NME7: variants seen among roughly 807,000 people sequenced by gnomAD.
NME7 encodes nucleoside diphosphate kinase 7.
NME7 carries 41 observed loss-of-function variants against 49.1 expected under a neutral mutation model. The ratio of observed to expected loss-of-function variants is 0.83; its 90% CI spans 0.65 to 1.08. The LOEUF is 1.08. NME7 is among the 50% of genes least tolerant of loss of function. NME7 has a pLI of 0.00. For missense variants in NME7, 423 were observed against 463.4 expected, an observed-to-expected ratio of 0.91 and a Z score of 0.80; for synonymous variants, 139 against 150.6, an observed-to-expected ratio of 0.92 and a Z score of 0.56.
In NME7 at chr1:169,291,171, A is replaced by T. The variant is rs747262491; in HGVS notation, c.649-3763T>A. The stretch of plus-strand genomic sequence containing the variant: ...AATCCCATTTCTGGATATACACCCA[A>T]AGGATTATAAACCATTCTGTTGTAA... On this transcript the variant is annotated intron_variant, in intron 6 of 11. Transcript: ENST00000367811. Among the ~76,000 whole-genome samples the T allele has an allele frequency of 9.2e-5, 14 of 152,172 alleles. 1 individual carries two copies. The highest frequency in any genetic ancestry group is 3.2e-3 in the Middle Eastern group (1 of 316).
intron 10 of NME7, among the ~76,000 whole-genome samples, chr1:169,177,652 T>C (rs1571266498): frequency 6.6e-6 from 1 of 152,008 alleles, no homozygotes; most frequent in South Asian, 2.1e-4. Context: ...TAACCTATAG[T>C]CCTGCATGCT....
intron 11 of NME7, among the ~76,000 whole-genome samples, chr1:169,143,182 C>T (rs977376798): frequency 2.6e-5 from 4 of 150,948 alleles, no homozygotes; most frequent in African/African-American, 9.7e-5. Flanking sequence ...AGGGTTGCCT[C>T]CTGATGTTTT....
intron 1 of NME7, among the ~76,000 whole-genome samples, chr1:169,328,154 T>C (rs1453238270): frequency 6.6e-6 from 1 of 152,078 alleles, no homozygotes; most frequent in Non-Finnish European, 1.5e-5. Flanking sequence ...CCCTGAAATG[T>C]GTTGCTTAAA....
At chr1:169,202,726 G>A (rs1308025386) in intron 10 of NME7, among the ~76,000 whole-genome samples, 1 of 152,180 alleles carries the variant, frequency 6.6e-6, no homozygotes, top group Non-Finnish European at 1.5e-5. Context: ...TAGTCTGAAG[G>A]GTGGCCATAC....
chr1:169,193,153 A>G (rs1164273874), intron 10 of NME7, among the ~76,000 whole-genome samples: 1 of 152,120 alleles, frequency 6.6e-6, no homozygotes, highest in Admixed American at 6.5e-5. Flanking sequence ...TCCACAAATA[A>G]TAATAATAAT....
At chr1:169,336,396 A>G (rs1652476344) in intron 1 of NME7, among the ~76,000 whole-genome samples, 1 of 152,052 alleles carries the variant, frequency 6.6e-6, no homozygotes, top group Non-Finnish European at 1.5e-5. Flanking sequence ...GGCCCCACCC[A>G]CATCCTGCTG....
chr1:169,331,971 C>G (rs1054159069), intron 1 of NME7, among the ~76,000 whole-genome samples: 5 of 151,958 alleles, frequency 3.3e-5, no homozygotes, highest in African/African-American at 1.2e-4. Context: ...AAAAACAATT[C>G]TAGAATTTAT....
rs1279794536 is a variant in NME7, at chr1:169,257,023, C to T, written c.755-19336G>A. Among the ~76,000 whole-genome samples the T allele has an allele frequency of 2.7e-4, 35 of 132,072 alleles. 7 individuals carry two copies. Among genetic ancestry groups the T allele is most frequent in the Non-Finnish European group, 5.5e-4 (31 of 56,132 alleles). 86.6% of individuals were successfully genotyped at this position (132,072 alleles called of 152,430 possible). A position where few individuals can be genotyped will look rare whatever the true frequency, so the allele number is the denominator to read the frequency against. On this transcript the variant is annotated intron_variant, in intron 7 of 11. Transcript: ENST00000367811. ...AGGTTACTGCTGTCTTTTTGTTTGT[C>T]TGTGCCCTGCCCCCAGAGGTGGAGC...
At chr1:169,310,174 A>G in intron 3 of NME7, 94 bp from the exon 4 acceptor site, 1 of 740,652 alleles carries the variant, frequency 1.4e-6, no homozygotes, top group Non-Finnish European at 2.2e-6. Context: ...CAATCATCCT[A>G]GATCATCAAA....
In NME7 at chr1:169,367,668, G is replaced by C. The variant is rs554755904; in HGVS notation, c.3+40C>G. 1.7e-5 allele frequency: 27 copies of C among 1,613,784 alleles called. No homozygotes were observed. The East Asian group carries it at 5.3e-4, about 32-fold the overall frequency. ...GAAGACTTGGAAAGCTAAGTAAGTAGGACCCCAGAGCCGTTCTTCTGGCAT... is the reference window on the plus strand; with the variant it reads ...GAAGACTTGGAAAGCTAAGTAAGTACGACCCCAGAGCCGTTCTTCTGGCAT... On this transcript the variant is annotated intron_variant, in intron 1 of 11. Transcript: ENST00000367811.
chr1:169,215,441 T>C (rs538983455), intron 10 of NME7, among the ~76,000 whole-genome samples: 2 of 152,312 alleles, frequency 1.3e-5, no homozygotes, highest in South Asian at 4.1e-4. Context: ...GCCACGGGTT[T>C]CAGGTTTTTT....
chr1:169,318,783 A>G (rs1024166935), intron 3 of NME7, among the ~76,000 whole-genome samples: 2 of 151,998 alleles, frequency 1.3e-5, no homozygotes, highest in African/African-American at 4.8e-5. Flanking sequence ...TGAGAAAAAA[A>G]GGGCCATGAA....
At chr1:169,152,340 T>C (rs1658936769) in intron 11 of NME7, among the ~76,000 whole-genome samples, 2 of 152,208 alleles carry the variant, frequency 1.3e-5, no homozygotes. Context: ...ACTATTATTA[T>C]TCCCACCATA....
chr1:169,182,189 A>G (rs28440806), intron 10 of NME7, among the ~76,000 whole-genome samples: 13 of 148,128 alleles, frequency 8.8e-5, no homozygotes, highest in African/African-American at 7.4e-5. Flanking sequence ...AAAAAAAAAA[A>G]CAACTCTGTA....
intron 7 of NME7, among the ~76,000 whole-genome samples, chr1:169,253,375 G>A (rs112455775): frequency 3.3e-5 from 5 of 151,054 alleles, no homozygotes; most frequent in Non-Finnish European, 7.4e-5. Flanking sequence ...TCTGTTATTG[G>A]TGTATAAGAA....
chr1:169,334,041 A>C (rs1194736596), intron 1 of NME7, among the ~76,000 whole-genome samples: 2 of 152,188 alleles, frequency 1.3e-5, no homozygotes, highest in African/African-American at 4.8e-5. Context: ...TGTTCATACA[A>C]AAGTGCTCCC....
chr1:169,333,227 C>T (rs1319328956), intron 1 of NME7, among the ~76,000 whole-genome samples: 4 of 152,022 alleles, frequency 2.6e-5, no homozygotes, highest in Non-Finnish European at 4.4e-5. Context: ...ATCACATGTT[C>T]TCACTTATCT....
chr1:169,362,458 G>A (rs1336211622), intron 1 of NME7, among the ~76,000 whole-genome samples: 1 of 152,134 alleles, frequency 6.6e-6, no homozygotes, highest in Non-Finnish European at 1.5e-5. Flanking sequence ...GATGAGTCCA[G>A]CATACGCTTC....
At chr1:169,256,883 A>C (rs1648965038) in intron 7 of NME7, among the ~76,000 whole-genome samples, 1 of 131,952 alleles carries the variant, frequency 7.6e-6, no homozygotes, top group African/African-American at 2.6e-5. Flanking sequence ...CTTGGGGGTC[A>C]GGGGTCAGGG....
Sources: allele counts gnomAD v4.1 joint callset (sites outside exome capture counted in the v4.1 genomes callset), GRCh38; gene constraint gnomAD v4.1.1; transcripts MANE v1.5; gene names NCBI Gene and HGNC (gene_info 2026-07-23, HGNC 2026-07-21).